Variants in FBN1 observed in about 807,000 individuals in gnomAD.
The protein encoded by FBN1 is fibrillin 1, also known as fibrillin-1.
Under a neutral mutation model 365.1 loss-of-function variants are expected in FBN1, and 29 were observed. That is an observed-to-expected ratio of 0.08 (90% CI 0.06 to 0.11). FBN1 has a LOEUF of 0.11. Among genes scored for constraint, FBN1 ranks in the 10% least tolerant of loss-of-function variants. The probability of loss-of-function intolerance (pLI) is 1.00; values close to 1 mark genes in which losing one functional copy is unlikely to be tolerated. For missense variants in FBN1, 2,476 were observed against 3,703.2 expected, an observed-to-expected ratio of 0.67 and a Z score of 8.60; for synonymous variants, 1,210 against 1,270.5, an observed-to-expected ratio of 0.95 and a Z score of 1.01.
intron 6 of FBN1, among the ~76,000 whole-genome samples, chr15:48,546,947 T>A (rs1273016865): frequency 6.6e-6 from 1 of 152,110 alleles, no homozygotes. Flanking sequence ...CTAGGGAAGA[T>A]TAGGCTGTAA....
chr15:48,433,460 A>C (rs903744680), intron 54 of FBN1, among the ~76,000 whole-genome samples: 1 of 152,176 alleles, frequency 6.6e-6, no homozygotes. Context: ...TCCCCCAAAC[A>C]AAGAGGCTCC....
chr15:48,519,569 C>T (rs192562465), intron 10 of FBN1, among the ~76,000 whole-genome samples: 45 of 152,236 alleles, frequency 3.0e-4, no homozygotes, highest in Non-Finnish European at 2.4e-4. Flanking sequence ...CTTCCAGCTG[C>T]AGGTACCTCG....
At chr15:48,505,400 A>G (rs941705650) in intron 15 of FBN1, among the ~76,000 whole-genome samples, 1 of 152,226 alleles carries the variant, frequency 6.6e-6, no homozygotes, top group African/African-American at 2.4e-5. Flanking sequence ...TTTGTATCCA[A>G]AATAATCACA....
At chr15:48,592,335 CCA>C (rs1236915401) in intron 6 of FBN1, among the ~76,000 whole-genome samples, 1 of 152,098 alleles carries the variant, frequency 6.6e-6, no homozygotes, top group Non-Finnish European at 1.5e-5. Context: ...AAAGTCTCAT[CCA>C]CTCATATGAT....
intron 39 of FBN1, 36 bp downstream of exon 39, chr15:48,465,754 G>A (rs375954990): frequency 1.2e-6 from 2 of 1,612,358 alleles, no homozygotes; most frequent in East Asian, 4.5e-5. Context: ...GGAAATTCAA[G>A]TTGTGTGTGC....
chr15:48,550,962 TATGAATGAATGAATGA>T (rs113964524), intron 6 of FBN1, among the ~76,000 whole-genome samples: 1 of 119,366 alleles, frequency 8.4e-6, no homozygotes, highest in Non-Finnish European at 2.0e-5. Context: ...CTCAAGTATT[TATGAATGAATGAATGA>T]ATGAATGAAT....
At chr15:48,619,146 G>C (rs919952436) in intron 2 of FBN1, among the ~76,000 whole-genome samples, 10 of 152,074 alleles carry the variant, frequency 6.6e-5, no homozygotes, top group Non-Finnish European at 1.5e-4. Flanking sequence ...TACCGAAAAG[G>C]TTGGAGACCA....
At chr15:48,570,696 A>T (rs1282623114) in intron 6 of FBN1, among the ~76,000 whole-genome samples, 1 of 152,224 alleles carries the variant, frequency 6.6e-6, no homozygotes, top group Non-Finnish European at 1.5e-5. Flanking sequence ...CACTTGCCCC[A>T]TACTCATTTA....
Position 48,425,726 on chromosome 15 carries a change from A to T in FBN1, c.7330+13T>A. ...TTCCACTTGAGGATAAGCCATCAGA[A>T]ATAGACACTTACCTACACAGGAAGT... On this transcript the variant is annotated intron_variant, in intron 59 of 65. Coordinates refer to ENST00000316623, the MANE Select transcript of FBN1 (RefSeq NM_000138.5). 6.2e-7 allele frequency: 1 copy of T among 1,613,274 alleles called. No homozygotes were observed. Among genetic ancestry groups the T allele is most frequent in the Non-Finnish European group, 8.5e-7 (1 of 1,179,338 alleles).
chr15:48,493,600 G>A (rs1026435313), intron 23 of FBN1, among the ~76,000 whole-genome samples: 4 of 152,290 alleles, frequency 2.6e-5, no homozygotes, highest in East Asian at 3.9e-4. Context: ...CAAGACCTTG[G>A]GTGGGGGTTG....
chr15:48,424,242 G>A (rs1304148909), intron 60 of FBN1, among the ~76,000 whole-genome samples: 1 of 152,178 alleles, frequency 6.6e-6, no homozygotes, highest in African/African-American at 2.4e-5. Flanking sequence ...CAAACTACAG[G>A]ATTATACAGG....
chr15:48,573,198 T>C (rs1283691867), intron 6 of FBN1, among the ~76,000 whole-genome samples: 1 of 152,210 alleles, frequency 6.6e-6, no homozygotes, highest in East Asian at 1.9e-4. Context: ...TCTCAAATTG[T>C]TTTTGCAAGT....
At chr15:48,446,516 C>T (rs914020232) in intron 47 of FBN1, among the ~76,000 whole-genome samples, 190 bp downstream of exon 47, 4 of 152,268 alleles carry the variant, frequency 2.6e-5, no homozygotes, top group East Asian at 1.9e-4. Context: ...GTATCCCTCA[C>T]GGATAAGGGG....
intron 6 of FBN1, among the ~76,000 whole-genome samples, chr15:48,542,345 T>C (rs1177294498): frequency 6.6e-6 from 1 of 152,140 alleles, no homozygotes; most frequent in Non-Finnish European, 1.5e-5. Flanking sequence ...TTATTTTAAA[T>C]CCTTCTTTTC....
intron 54 of FBN1, among the ~76,000 whole-genome samples, chr15:48,434,244 AG>A (rs2043046242): frequency 6.6e-6 from 1 of 152,220 alleles, no homozygotes; most frequent in South Asian, 2.1e-4. Context: ...AAAAGAGAAA[AG>A]AAAAAGAAAG....
At chr15:48,415,318 C>A (rs544609538) in intron 64 of FBN1, among the ~76,000 whole-genome samples, 28 of 152,314 alleles carry the variant, frequency 1.8e-4, no homozygotes, top group Admixed American at 1.4e-3. Context: ...GAGATATTTA[C>A]AATGTAGTTT....
chr15:48,511,393 A>T (rs1333634411), intron 13 of FBN1, among the ~76,000 whole-genome samples: 3 of 152,176 alleles, frequency 2.0e-5, no homozygotes, highest in Non-Finnish European at 4.4e-5. Context: ...ACTCAAAAAA[A>T]AATGGTAAAA....
In FBN1 at chr15:48,437,357, C is replaced by T; in HGVS notation, c.6344G>A (p.Ser2115Asn). Residue 2115 changes from serine to asparagine, a missense_variant, in exon 52 of 66, where the codon AGT (serine) becomes AAT (asparagine). Ser to Asn is a conservative substitution (Grantham distance 46). Around this residue, in one of 5 missense-constraint regions of FBN1, gnomAD observed 1,780 missense variants for 2,840.8 expected, o/e 0.63. Coordinates refer to ENST00000316623, the MANE Select transcript of FBN1 (RefSeq NM_000138.5). ...ATCATCAGGTCCCACGATGATCCCACTTCCATAAGGACATATCTGGCGGAA... is the reference window on the plus strand; with the variant it reads ...ATCATCAGGTCCCACGATGATCCCATTTCCATAAGGACATATCTGGCGGAA... ...EAFRQICPYG[S>N]GIIVGPDDSA... 1 of 1,613,642 alleles carries T rather than the reference C, an allele frequency of 6.2e-7. No homozygotes were observed. The highest frequency in any genetic ancestry group is 8.5e-7 in the Non-Finnish European group (1 of 1,179,706).
rs1889900793 is a variant in FBN1 at position 48,627,172 on chromosome 15, C to T, written c.165-14080G>A. 2.0e-5 allele frequency among the ~76,000 whole-genome samples: 3 copies of T among 152,274 alleles called. No homozygotes were observed. The South Asian group carries it at 6.2e-4, about 32-fold the overall frequency. On this transcript the variant is annotated intron_variant, in intron 2 of 65. Transcript: ENST00000316623. ...TTTTTGTATAAACTAATTTGTACAT[C>T]ATTTTTTGTGCTCTGATTTTTTTAC... is the stretch of plus-strand genomic sequence containing the variant.
Sources: gnomAD v4.1 joint callset for allele counts (sites outside exome capture counted in the v4.1 genomes callset) on GRCh38, gnomAD v4.1.1 for gene constraint, gnomAD v4.1.1 regional missense constraint, MANE v1.5 for transcripts, NCBI Gene and HGNC (gene_info 2026-07-23, HGNC 2026-07-21) for gene names.